Variants in TSPAN18 observed in about 807,000 individuals in gnomAD.
TSPAN18 encodes tetraspanin 18, also known as tetraspanin-18.
In TSPAN18, 14 loss-of-function variants were observed where a neutral mutation model predicts 27.3. That is an observed-to-expected ratio of 0.51 (90% confidence interval 0.34 to 0.80). TSPAN18 has a LOEUF of 0.80. Ranked by LOEUF, TSPAN18 falls within the 30% of genes least tolerant of loss-of-function variation. The probability of loss-of-function intolerance (pLI) is 0.01; values close to 1 mark genes in which losing one functional copy is unlikely to be tolerated. For synonymous variants in TSPAN18, 143 were observed against 136.5 expected (o/e 1.05, Z -0.33); for missense variants, 268 against 323.9 (o/e 0.83, Z 1.32).
At chr11:44,801,780 G>A (rs942399962) in intron 2 of TSPAN18, among the ~76,000 whole-genome samples, 3 of 152,092 alleles carry the variant, frequency 2.0e-5, no homozygotes, top group East Asian at 3.9e-4. Flanking sequence ...ACCTGTAATC[G>A]CAGCACTTTG....
At chr11:44,787,853 AC>A (rs946510894) in intron 2 of TSPAN18, among the ~76,000 whole-genome samples, 7 of 152,064 alleles carry the variant, frequency 4.6e-5, no homozygotes, top group African/African-American at 1.7e-4. Context: ...CCCCAATGTT[AC>A]TGCTCACTTA....
chr11:44,896,667 TC>T (rs1310856169), intron 3 of TSPAN18, among the ~76,000 whole-genome samples: 2 of 152,070 alleles, frequency 1.3e-5, no homozygotes, highest in Non-Finnish European at 2.9e-5. Context: ...GCCTTCACCA[TC>T]CCCTTCCCCA....
intron 2 of TSPAN18, among the ~76,000 whole-genome samples, chr11:44,843,326 A>G (rs963724961): frequency 1.2e-4 from 18 of 152,224 alleles, no homozygotes; most frequent in African/African-American, 4.3e-4. Context: ...CACAAAAACC[A>G]GCAAGTTTTT....
At chr11:44,769,369 GA>G (rs1855638746) in intron 2 of TSPAN18, among the ~76,000 whole-genome samples, 1 of 152,096 alleles carries the variant, frequency 6.6e-6, no homozygotes, top group African/African-American at 2.4e-5. Flanking sequence ...TTCTTGTAAT[GA>G]TTTTTTCTGG....
chr11:44,836,633 A>G (rs1252967943), intron 2 of TSPAN18, among the ~76,000 whole-genome samples: 1 of 152,262 alleles, frequency 6.6e-6, no homozygotes, highest in Non-Finnish European at 1.5e-5. Context: ...GATACCATCT[A>G]GGACTTTCAT....
At chr11:44,750,128 A>G (rs1034474653) in intron 1 of TSPAN18, among the ~76,000 whole-genome samples, 1 of 152,356 alleles carries the variant, frequency 6.6e-6, no homozygotes, top group South Asian at 2.1e-4. Flanking sequence ...AAGGGGCAGT[A>G]ACTCACCCAG....
chr11:44,796,491 G>A (rs1856352963), intron 2 of TSPAN18, among the ~76,000 whole-genome samples: 1 of 152,150 alleles, frequency 6.6e-6, no homozygotes, highest in Non-Finnish European at 1.5e-5. Flanking sequence ...GGGGACTGGT[G>A]GAGTCATCGT....
intron 3 of TSPAN18, among the ~76,000 whole-genome samples, chr11:44,879,240 A>ATCCCTCCC (rs143514540): frequency 6.6e-6 from 1 of 152,036 alleles, no homozygotes; most frequent in Non-Finnish European, 1.5e-5. Flanking sequence ...ACGGAGATTT[A>ATCCCTCCC]TCCCTCCCTC....
intron 2 of TSPAN18, among the ~76,000 whole-genome samples, chr11:44,812,148 G>T (rs1158843997): frequency 6.6e-6 from 1 of 152,206 alleles, no homozygotes; most frequent in African/African-American, 2.4e-5. Context: ...CAGCCAGGCA[G>T]GTCTAACCAA....
At chr11:44,772,764 T>G (rs1437012034) in intron 2 of TSPAN18, among the ~76,000 whole-genome samples, 1 of 152,160 alleles carries the variant, frequency 6.6e-6, no homozygotes, top group Non-Finnish European at 1.5e-5. Flanking sequence ...GTTCAAGTGA[T>G]TCTCCTGCCT....
At chr11:44,842,082 A>T (rs1857385997) in intron 2 of TSPAN18, among the ~76,000 whole-genome samples, 1 of 152,204 alleles carries the variant, frequency 6.6e-6, no homozygotes, top group Non-Finnish European at 1.5e-5. Flanking sequence ...TCAGGGCAAA[A>T]GCAGCCCTTG....
At chr11:44,833,435 C>G (rs1415319883) in intron 2 of TSPAN18, among the ~76,000 whole-genome samples, 3 of 151,448 alleles carry the variant, frequency 2.0e-5, no homozygotes, top group Admixed American at 6.6e-5. Flanking sequence ...AGAGCTTTAC[C>G]TTCCACCTCC....
At position 44,931,282 on chromosome 11, in the gene TSPAN18, C is replaced by T. The variant is rs894620016; in HGVS notation, c.*2104C>T. On this transcript the variant is annotated 3_prime_UTR_variant, in exon 10 of 10. Coordinates refer to ENST00000520358, the MANE Select transcript of TSPAN18 (RefSeq NM_130783.5). ...CTTGAACCACCCACATGCTTAGCCC[C>T]AGCTTTTTGGAAGAGGCAAATGGCT... 4.6e-6 allele frequency: 1 copy of T among 218,820 alleles called. No homozygotes were observed. Among genetic ancestry groups the T allele is most frequent in the Non-Finnish European group, 9.3e-6 (1 of 107,458 alleles). The allele number at this position is 218,820 out of a possible 1,614,324, so 13.6% of individuals were successfully genotyped here.
At chr11:44,901,650 G>A (rs1859266626) in intron 3 of TSPAN18, among the ~76,000 whole-genome samples, 1 of 152,248 alleles carries the variant, frequency 6.6e-6, no homozygotes, top group Admixed American at 6.5e-5. Context: ...ATTTGCCCAA[G>A]GTCACACAAC....
chr11:44,824,162 G>A lies in TSPAN18; in HGVS notation c.-152-36166G>A, dbSNP rs144131045. On this transcript the variant is annotated intron_variant, in intron 2 of 9. Coordinates refer to ENST00000520358, the MANE Select transcript of TSPAN18 (RefSeq NM_130783.5). ...AGGGATCATTTGTTTCTTGAGCTCA[G>A]TCTTCAGAAACCTCTGGTGCTTTTG... Among the ~76,000 whole-genome samples, 298 of 152,298 alleles carry A rather than the reference G, an allele frequency of 2.0e-3. 2 individuals are homozygous for A. The highest frequency in any genetic ancestry group is 6.7e-3 in the African/African-American group (278 of 41,576).
chr11:44,839,272 C>T (rs747072798), intron 2 of TSPAN18, among the ~76,000 whole-genome samples: 3 of 152,148 alleles, frequency 2.0e-5, no homozygotes, highest in Non-Finnish European at 4.4e-5. Context: ...GGACTCTGGG[C>T]CCCCCGGCTC....
chr11:44,926,928 T>G (rs1364275005), intron 9 of TSPAN18, among the ~76,000 whole-genome samples, 171 bp downstream of exon 9: 1 of 151,922 alleles, frequency 6.6e-6, no homozygotes, highest in Non-Finnish European at 1.5e-5. Context: ...TGCCTGAGAG[T>G]CATTCTTGAA....
Position 44,731,625 on chromosome 11 carries a change from T to TGA in TSPAN18, c.-240+4339_-240+4340insAG, listed in dbSNP as rs1188567683. ...GTGTGTGTGTGTGTGTGTGTGTGTG[T>TGA]GTGTGTGTGAGAGAGAGAGAGAGAG... On this transcript the variant is annotated intron_variant, in intron 1 of 9. Coordinates refer to ENST00000520358, the MANE Select transcript of TSPAN18 (RefSeq NM_130783.5). Among the ~76,000 whole-genome samples, 30 of 82,728 alleles carry TGA rather than the reference T, an allele frequency of 3.6e-4. 1 individual carries two copies. In the South Asian group the frequency reaches 8.5e-3, roughly 24 times the overall value. The allele number at this position is 82,728 out of a possible 152,430, so 54.3% of individuals were successfully genotyped here. A position where few individuals can be genotyped will look rare whatever the true frequency, so the allele number is the denominator to read the frequency against.
rs1856766602 is a variant in TSPAN18, at chr11:44,813,717, T to C, written c.-152-46611T>C. Among the ~76,000 whole-genome samples, 5 of 152,056 alleles carry C rather than the reference T, an allele frequency of 3.3e-5. 1 individual carries two copies. The highest frequency in any genetic ancestry group is 3.3e-4 in the Admixed American group (5 of 15,274). On this transcript the variant is annotated intron_variant, in intron 2 of 9. Transcript: ENST00000520358. The stretch of plus-strand genomic sequence containing the variant: ...GTCCCAGCTGCATGCATGACAAAAA[T>C]ACACTTCAGAGGCTGTTATTTTGCA...
Sources: allele counts gnomAD v4.1 joint callset (sites outside exome capture counted in the v4.1 genomes callset), GRCh38; gene constraint gnomAD v4.1.1; transcripts MANE v1.5; gene names NCBI Gene and HGNC (gene_info 2026-07-23, HGNC 2026-07-21).